TBC1D9: variants seen among roughly 807,000 people sequenced by gnomAD.
The protein encoded by TBC1D9 is TBC1 domain family member 9A.
Under a neutral mutation model 132.0 loss-of-function variants are expected in TBC1D9, and 63 were observed. That is an observed-to-expected ratio of 0.48 (90% CI 0.39 to 0.59). TBC1D9 has a LOEUF of 0.59. Ranked by LOEUF, TBC1D9 falls within the 20% of genes least tolerant of loss-of-function variation. The pLI is 0.00. For synonymous variants in TBC1D9, 610 were observed against 609.9 expected, an observed-to-expected ratio of 1.00 and a Z score of 0.00; for missense variants, 1,261 against 1,592.7, an observed-to-expected ratio of 0.79 and a Z score of 3.54.
At chr4:140,628,216 G>C (rs1736737810) in intron 17 of TBC1D9, 84 bp downstream of exon 17, 1 of 1,163,246 alleles carries the variant, frequency 8.6e-7, no homozygotes. Context: ...ATCAAAAAGA[G>C]GACGATCAGG....
At chr4:140,714,854 T>C (rs567319666) in intron 1 of TBC1D9, among the ~76,000 whole-genome samples, 1 of 152,276 alleles carries the variant, frequency 6.6e-6, no homozygotes, top group East Asian at 1.9e-4. Flanking sequence ...GGAGCAGGCA[T>C]AGTGGCTCAT....
chr4:140,653,544 TTA>T (rs1737219235), intron 13 of TBC1D9, among the ~76,000 whole-genome samples: 1 of 152,156 alleles, frequency 6.6e-6, no homozygotes, highest in South Asian at 2.1e-4. Context: ...GCCTAGGAGT[TTA>T]TGTTTTTAAA....
At chr4:140,737,433 CCCT>C (rs1738690951) in intron 1 of TBC1D9, among the ~76,000 whole-genome samples, 1 of 97,864 alleles carries the variant, frequency 1.0e-5, no homozygotes, top group Admixed American at 1.2e-4. Context: ...CCTGCACCCT[CCCT>C]TCTCTCTCTC....
intron 1 of TBC1D9, among the ~76,000 whole-genome samples, chr4:140,710,532 AAACAGAGCAG>A (rs1212087810): frequency 6.6e-6 from 1 of 152,226 alleles, no homozygotes; most frequent in African/African-American, 2.4e-5. Flanking sequence ...ATGACTAAAC[AAACAGAGCAG>A]AAAACTAAAA....
At chr4:140,679,486 T>TA (rs144405227) in intron 4 of TBC1D9, 129 bp downstream of exon 4, 31,288 of 719,234 alleles carry the variant, frequency 0.044, 1,081 homozygotes, top group African/African-American at 0.15. Flanking sequence ...ACTTCAGTAG[T>TA]AAAAAAAAAT....
rs574312951 is a variant in TBC1D9, at chr4:140,713,294, T to C, written c.131-11680A>G. 1.2e-3 allele frequency among the ~76,000 whole-genome samples: 189 copies of C among 152,094 alleles called. 1 individual carries two copies. Among genetic ancestry groups the C allele is most frequent in the African/African-American group, 4.3e-3 (178 of 41,468 alleles). ...CCATGGTGTTGCCTTCAGCTACATA[T>C]AAGCAAGACAAAGAAAAAAGCCCAG... is the stretch of plus-strand genomic sequence containing the variant. On this transcript the variant is annotated intron_variant, in intron 1 of 20. Transcript: ENST00000442267.
intron 18 of TBC1D9, among the ~76,000 whole-genome samples, chr4:140,625,733 T>C (rs1445436178): frequency 6.6e-6 from 1 of 152,204 alleles, no homozygotes; most frequent in Non-Finnish European, 1.5e-5. Context: ...GAAATTTTAA[T>C]GACAAAGTAA....
intron 1 of TBC1D9, among the ~76,000 whole-genome samples, chr4:140,724,498 A>C (rs1738469082): frequency 6.6e-6 from 1 of 152,210 alleles, no homozygotes; most frequent in South Asian, 2.1e-4. Flanking sequence ...AGTTTTCTTC[A>C]AGATTCTCTT....
chr4:140,733,147 A>G (rs1468654102), intron 1 of TBC1D9, among the ~76,000 whole-genome samples: 1 of 152,230 alleles, frequency 6.6e-6, no homozygotes, highest in East Asian at 1.9e-4. Flanking sequence ...AACAAAAAAT[A>G]AAGAGAACTA....
intron 2 of TBC1D9, among the ~76,000 whole-genome samples, chr4:140,689,272 T>G (rs1737836098): frequency 6.6e-6 from 1 of 152,142 alleles, no homozygotes; most frequent in Admixed American, 6.5e-5. Context: ...ACCAGGTACT[T>G]TACTTTCAGA....
intron 1 of TBC1D9, among the ~76,000 whole-genome samples, chr4:140,704,353 A>G (rs1259617107): frequency 6.6e-6 from 1 of 151,404 alleles, no homozygotes; most frequent in Non-Finnish European, 1.5e-5. Flanking sequence ...GTGAGCTGAG[A>G]TCATGCCACT....
chr4:140,658,250 C>G (rs1268283761), intron 11 of TBC1D9, among the ~76,000 whole-genome samples: 1 of 152,150 alleles, frequency 6.6e-6, no homozygotes, highest in East Asian at 1.9e-4. Flanking sequence ...AGTACTCACA[C>G]AAACCTAGAC....
At chr4:140,643,710 G>A in intron 13 of TBC1D9, 7 of 1,208,058 alleles carry the variant, frequency 5.8e-6, no homozygotes, top group Admixed American at 2.4e-5. Context: ...CAATGCGGCC[G>A]TGCAGGGTTC....
chr4:140,666,351 T>C (rs967996362), intron 9 of TBC1D9, among the ~76,000 whole-genome samples: 2 of 152,210 alleles, frequency 1.3e-5, no homozygotes, highest in African/African-American at 4.8e-5. Flanking sequence ...TTTCCTTTTT[T>C]TTGAGACAGA....
chr4:140,720,259 C>T (rs986190090), intron 1 of TBC1D9, among the ~76,000 whole-genome samples: 1 of 152,142 alleles, frequency 6.6e-6, no homozygotes, highest in African/African-American at 2.4e-5. Context: ...TCAAGATAAA[C>T]TGCTTAAACT....
chr4:140,713,497 G>A (rs1206170290), intron 1 of TBC1D9, among the ~76,000 whole-genome samples: 1 of 151,998 alleles, frequency 6.6e-6, no homozygotes, highest in Non-Finnish European at 1.5e-5. Context: ...AGGACTTTGG[G>A]AGGCCAAGGT....
At chr4:140,704,392 C>G (rs111979709) in intron 1 of TBC1D9, among the ~76,000 whole-genome samples, 13,346 of 139,370 alleles carry the variant, frequency 0.096, 2,091 homozygotes, top group African/African-American at 0.34. Flanking sequence ...CAGAGCAAGA[C>G]TCTGTCTCAA....
chr4:140,688,637 T>G (rs1415855575), intron 2 of TBC1D9, among the ~76,000 whole-genome samples: 2 of 151,964 alleles, frequency 1.3e-5, no homozygotes, highest in Non-Finnish European at 2.9e-5. Context: ...CCACTGCACT[T>G]CAGCCTGGGC....
intron 1 of TBC1D9, among the ~76,000 whole-genome samples, chr4:140,753,886 T>C (rs577601920): frequency 6.6e-6 from 1 of 152,358 alleles, no homozygotes; most frequent in African/African-American, 2.4e-5. Flanking sequence ...ATTTCTAAAA[T>C]GTTCCTGCTA....
Sources: gnomAD v4.1 joint callset for allele counts (sites outside exome capture counted in the v4.1 genomes callset) on GRCh38, gnomAD v4.1.1 for gene constraint, MANE v1.5 for transcripts, NCBI Gene and HGNC (gene_info 2026-07-23, HGNC 2026-07-21) for gene names.